REV3L: variants seen among roughly 807,000 people sequenced by gnomAD.
REV3L encodes the protein REV3 like, DNA directed polymerase zeta catalytic subunit.
Under a neutral mutation model 299.4 loss-of-function variants are expected in REV3L, and 69 were observed. The ratio of observed to expected loss-of-function variants is 0.23; its 90% CI spans 0.19 to 0.28. REV3L has a LOEUF of 0.28. Ranked by LOEUF, REV3L falls within the 10% of genes least tolerant of loss-of-function variation. The pLI, the probability that REV3L is intolerant of heterozygous loss-of-function variation, is 1.00. For synonymous variants in REV3L, 1,238 were observed against 1,271.4 expected (o/e 0.97, Z 0.56); for missense variants, 3,128 against 3,693.8 (o/e 0.85, Z 3.97).
chr6:111,470,715 C>CA (rs1233587444), intron 1 of REV3L, among the ~76,000 whole-genome samples: 2 of 152,182 alleles, frequency 1.3e-5, no homozygotes, highest in Non-Finnish European at 2.9e-5. Flanking sequence ...GGTGATGGCT[C>CA]ACGCCTGTAA....
At chr6:111,313,637 A>G in intron 27 of REV3L, 148 bp from the exon 28 acceptor site, 1 of 682,810 alleles carries the variant, frequency 1.5e-6, no homozygotes. Context: ...TTCATGATAT[A>G]ACACGTGGGA....
rs55764171 is a variant in REV3L at position 111,313,303 on chromosome 6, C to G, written c.8604+49G>C. On this transcript the variant is annotated intron_variant, in intron 28 of 31. Coordinates refer to ENST00000368802, the MANE Select transcript of REV3L (RefSeq NM_001372078.1). ...AGGGTAGTTACATTTTCACCAGACA[C>G]TTTAGCCACTTATTTCTTACAGATG... The G allele has an allele frequency of 7.7e-6, 12 of 1,558,786 alleles. No homozygotes were observed. In the East Asian group the frequency reaches 1.4e-4, roughly 18 times the overall value.
intron 25 of REV3L, among the ~76,000 whole-genome samples, chr6:111,324,776 G>T (rs1324840436): frequency 6.6e-6 from 1 of 152,056 alleles, no homozygotes. Flanking sequence ...AACCTGAAAA[G>T]CATTACTTCA....
At chr6:111,474,314 G>A (rs1792637386) in intron 1 of REV3L, among the ~76,000 whole-genome samples, 1 of 152,164 alleles carries the variant, frequency 6.6e-6, no homozygotes, top group African/African-American at 2.4e-5. Flanking sequence ...AGTCAGGCCT[G>A]GAGCTGGGCC....
chr6:111,403,252 T>C (rs1162314546), intron 4 of REV3L, among the ~76,000 whole-genome samples: 1 of 152,164 alleles, frequency 6.6e-6, no homozygotes, highest in Non-Finnish European at 1.5e-5. Flanking sequence ...AGCTTGGGGG[T>C]GACTGCTACA....
chr6:111,301,203 G>A (rs2114671937), intron 31 of REV3L, among the ~76,000 whole-genome samples: 1 of 152,286 alleles, frequency 6.6e-6, no homozygotes, highest in South Asian at 2.1e-4. Flanking sequence ...GCGAATTCTA[G>A]TCAGACTGGT....
chr6:111,463,239 T>A (rs913345192), intron 1 of REV3L, among the ~76,000 whole-genome samples: 1 of 152,218 alleles, frequency 6.6e-6, no homozygotes, highest in African/African-American at 2.4e-5. Context: ...TGAGTCATTA[T>A]TACCATAAGC....
In REV3L at chr6:111,351,558, T is replaced by TA. The variant is rs1271862452; in HGVS notation, c.7300+117dup. 1.6e-5 allele frequency: 10 copies of TA among 609,830 alleles called. No homozygotes were observed. In the African/African-American group the frequency reaches 1.9e-4, roughly 11 times the overall value. 37.8% of individuals were successfully genotyped at this position (609,830 alleles called of 1,614,324 possible). ...ATGGAGTTATGCTATATCTAAAACTTACACAACTTAGTACTAAAAAATTGG... is the reference window on the plus strand; with the variant it reads ...ATGGAGTTATGCTATATCTAAAACTTAACACAACTTAGTACTAAAAAATTGG... On this transcript the variant is annotated intron_variant, in intron 19 of 31. Transcript: ENST00000368802.
rs549961623 is a variant in REV3L at position 111,352,587 on chromosome 6, T to C, written c.7185-796A>G. Among the ~76,000 whole-genome samples the C allele has an allele frequency of 1.6e-4, 24 of 152,336 alleles. No individual in the cohort carries two copies. In the East Asian group the frequency reaches 4.2e-3, roughly 27 times the overall value. ...TGCTGAGAAAGAAAAATGAGAATGCTTTCCTTTTCTCACTTAATTTTAGTA... is the reference window on the plus strand; with the variant it reads ...TGCTGAGAAAGAAAAATGAGAATGCCTTCCTTTTCTCACTTAATTTTAGTA... On this transcript the variant is annotated intron_variant, in intron 18 of 31. Coordinates refer to ENST00000368802, the MANE Select transcript of REV3L (RefSeq NM_001372078.1).
chr6:111,467,189 A>G (rs1791613996), intron 1 of REV3L, among the ~76,000 whole-genome samples: 1 of 152,234 alleles, frequency 6.6e-6, no homozygotes, highest in Non-Finnish European at 1.5e-5. Flanking sequence ...CTCAAAACAT[A>G]TAAAATGTCC....
At chr6:111,338,545 CTG>C (rs985525688) in intron 21 of REV3L, among the ~76,000 whole-genome samples, 1 of 150,622 alleles carries the variant, frequency 6.6e-6, no homozygotes, top group African/African-American at 2.4e-5. Context: ...ATATACATAA[CTG>C]TTACGGTGAA....
intron 18 of REV3L, among the ~76,000 whole-genome samples, chr6:111,355,605 T>C (rs1778007453): frequency 1.3e-5 from 2 of 152,168 alleles, no homozygotes; most frequent in South Asian, 2.1e-4. Flanking sequence ...AAGAAAGTTA[T>C]TATACTTGCA....
At chr6:111,396,515 A>G (rs181121121) in intron 4 of REV3L, among the ~76,000 whole-genome samples, 11 of 152,186 alleles carry the variant, frequency 7.2e-5, no homozygotes, top group African/African-American at 9.6e-5. Flanking sequence ...AGAATGAGTT[A>G]GGAAGAATTT....
At chr6:111,337,649 G>A (rs1033619522) in intron 21 of REV3L, among the ~76,000 whole-genome samples, 3 of 151,994 alleles carry the variant, frequency 2.0e-5, no homozygotes, top group African/African-American at 7.3e-5. Flanking sequence ...TTGTTTCCTT[G>A]TATATTTGTT....
At chr6:111,442,354 T>C (rs1346475451) in intron 1 of REV3L, among the ~76,000 whole-genome samples, 1 of 152,242 alleles carries the variant, frequency 6.6e-6, no homozygotes, top group Non-Finnish European at 1.5e-5. Flanking sequence ...TTTGAACTTT[T>C]TGTCTTTTTG....
chr6:111,482,055 T>C (rs958986573), intron 1 of REV3L, among the ~76,000 whole-genome samples: 1 of 152,220 alleles, frequency 6.6e-6, no homozygotes, highest in African/African-American at 2.4e-5. Context: ...ACGCATTTCC[T>C]ACTTCCATGG....
In REV3L at chr6:111,299,976, C is replaced by A; in HGVS notation, c.*40G>T. On this transcript the variant is annotated 3_prime_UTR_variant, in exon 32 of 32. Coordinates refer to ENST00000368802, the MANE Select transcript of REV3L (RefSeq NM_001372078.1). ...ATGCACAACAGTTTAGTGGTAAGCA[C>A]TGAAAAAAATAGCACCTGTAATACT... 1 of 1,585,234 alleles carries A rather than the reference C, an allele frequency of 6.3e-7. No homozygotes were observed. The highest frequency in any genetic ancestry group is 8.6e-7 in the Non-Finnish European group (1 of 1,166,148).
intron 30 of REV3L, 172 bp from the exon 31 acceptor site, chr6:111,307,742 AAATG>A (rs934041259): frequency 4.4e-5 from 27 of 606,994 alleles, no homozygotes; most frequent in Admixed American, 6.0e-5. Flanking sequence ...GGAGCTACAG[AAATG>A]AATGAAGTCC....
intron 1 of REV3L, among the ~76,000 whole-genome samples, chr6:111,452,952 A>G (rs779023667): frequency 7.2e-5 from 11 of 152,182 alleles, no homozygotes; most frequent in Non-Finnish European, 1.0e-4. Context: ...GAAATTGATA[A>G]GAATTATGCA....
Sources: allele counts gnomAD v4.1 joint callset (sites outside exome capture counted in the v4.1 genomes callset), GRCh38; gene constraint gnomAD v4.1.1; transcripts MANE v1.5; gene names NCBI Gene and HGNC (gene_info 2026-07-23, HGNC 2026-07-21).